SASH1: variants seen among roughly 807,000 people sequenced by gnomAD.
The protein encoded by SASH1 is SAM and SH3 domain-containing protein 1.
SASH1 carries 44 observed loss-of-function variants against 125.2 expected under a neutral mutation model. The ratio of observed to expected loss-of-function variants is 0.35; its 90% CI spans 0.28 to 0.45. The LOEUF (loss-of-function observed/expected upper bound fraction) is 0.45. SASH1 is among the 20% of genes least tolerant of loss of function. The pLI is 1.00. For synonymous variants in SASH1, 639 were observed against 649.1 expected (o/e 0.98, Z 0.24); for missense variants, 1,426 against 1,614.5 (o/e 0.88, Z 2.00).
intron 8 of SASH1, among the ~76,000 whole-genome samples, chr6:148,493,702 C>G (rs571926505): frequency 6.6e-6 from 1 of 152,294 alleles, no homozygotes; most frequent in South Asian, 2.1e-4. Context: ...ATGCACATTC[C>G]TAGTTTCCAA....
chr6:148,525,323 G>A lies in SASH1; in HGVS notation c.1242G>A (p.Thr414=), dbSNP rs373832720. The A allele has an allele frequency of 2.7e-5, 43 of 1,613,926 alleles. No homozygotes were observed. In the African/African-American group the frequency reaches 3.5e-4, roughly 13 times the overall value. The change falls in exon 11 of 20, where the codon ACG becomes ACA. Residue 414 remains threonine (T), a synonymous_variant. Transcript: ENST00000367467. ...RTCSFGGFDL[T]NRSLHVGSNN... Reference sequence around the variant, plus strand: ...GCAGTTTTGGAGGATTTGACTTGACGAATCGCTCTCTGCACGTTGGCAGTA... The same window carrying A: ...GCAGTTTTGGAGGATTTGACTTGACAAATCGCTCTCTGCACGTTGGCAGTA...
In SASH1 at chr6:148,449,783, G is replaced by A. The variant is rs189637066; in HGVS notation, c.386+9376G>A. Among the ~76,000 whole-genome samples, 42 of 152,284 alleles carry A rather than the reference G, an allele frequency of 2.8e-4. No homozygotes were observed. In the South Asian group the frequency reaches 6.4e-3, roughly 23 times the overall value. On this transcript the variant is annotated intron_variant, in intron 4 of 19. Transcript: ENST00000367467. ...ATGGCCCTGGCTTCCGGGGAGGGCC[G>A]TCCTGTGGGGTGATAACATGGTGAA...
At chr6:148,356,069 TG>T (rs1261768362) in intron 1 of SASH1, among the ~76,000 whole-genome samples, 1 of 73,552 alleles carries the variant, frequency 1.4e-5, no homozygotes, top group South Asian at 4.9e-4. Flanking sequence ...TGTATCATTC[TG>T]TTTTTTTTTT....
chr6:148,548,156 T>G, intron 19 of SASH1, 139 bp from the exon 20 acceptor site: 2 of 734,606 alleles, frequency 2.7e-6, no homozygotes. Context: ...AGTCTTGATC[T>G]CTGACACTCA....
chr6:148,229,160 C>T, the SASH1 span, among the ~76,000 whole-genome samples: 1 of 120,610 alleles, frequency 8.3e-6, no homozygotes. Flanking sequence ...AAAAAAAACA[C>T]TTAACTGGCT....
At chr6:148,340,350 G>A (rs929711678), upstream of SASH1, among the ~76,000 whole-genome samples, 3 of 152,014 alleles carry the variant, frequency 2.0e-5, no homozygotes, top group Admixed American at 6.6e-5. Flanking sequence ...AGGCGTGGTG[G>A]TGCATGCCTG....
intron 2 of SASH1, among the ~76,000 whole-genome samples, chr6:148,390,524 C>T (rs561343128): frequency 5.0e-4 from 76 of 152,308 alleles, no homozygotes; most frequent in African/African-American, 1.7e-3. Context: ...CTGTGGCTCA[C>T]GCCTGTAATC....
intron 2 of SASH1, among the ~76,000 whole-genome samples, chr6:148,392,524 T>C (rs1243935478): frequency 6.6e-6 from 1 of 152,226 alleles, no homozygotes; most frequent in Non-Finnish European, 1.5e-5. Context: ...TGGGTACCAC[T>C]GCCCTATATT....
chr6:148,531,621 A>G lies in SASH1; in HGVS notation c.1524A>G (p.Val508=). The change falls in exon 13 of 20, where the codon GTA becomes GTG. Residue 508 remains valine, a synonymous_variant. Transcript: ENST00000367467. ...DKPKLKAGGS[V]ESLRSSLSGQ... ...CCAAGCTCAAGGCCGGGGGTTCTGT[A>G]GAAAGTCTTCGCAGTTCTCTCAGTG... is the stretch of plus-strand genomic sequence containing the variant. 6.3e-7 allele frequency: 1 copy of G among 1,576,802 alleles called. No homozygotes were observed. The highest frequency in any genetic ancestry group is 1.4e-5 in the African/African-American group (1 of 73,006).
At chr6:148,449,391 T>A (rs1776983272) in intron 4 of SASH1, among the ~76,000 whole-genome samples, 1 of 76,136 alleles carries the variant, frequency 1.3e-5, no homozygotes, top group Admixed American at 1.1e-4. Flanking sequence ...ATTTCTTTCT[T>A]TTTTTTTTTT....
intron 2 of SASH1, among the ~76,000 whole-genome samples, chr6:148,431,165 C>G (rs1776043443): frequency 6.6e-6 from 1 of 151,862 alleles, no homozygotes; most frequent in Admixed American, 6.6e-5. Flanking sequence ...CTTTGGGCAG[C>G]TGATTTAGTG....
intron 1 of SASH1, among the ~76,000 whole-genome samples, chr6:148,291,598 C>T (rs146788484): frequency 0.019 from 2,896 of 152,164 alleles, 33 homozygotes; most frequent in Non-Finnish European, 0.03. Flanking sequence ...GTGGGTGGAT[C>T]GCTTGAGCCT....
the SASH1 span, among the ~76,000 whole-genome samples, chr6:148,250,370 A>ATTTTCTG: frequency 9.2e-5 from 14 of 152,296 alleles, no homozygotes; most frequent in East Asian, 2.3e-3. Flanking sequence ...TCTGGCTAAC[A>ATTTTCTG]GAGAGAAAAA....
At chr6:148,349,990 C>T (rs1216703371) in intron 1 of SASH1, among the ~76,000 whole-genome samples, 2 of 151,984 alleles carry the variant, frequency 1.3e-5, no homozygotes, top group Non-Finnish European at 2.9e-5. Context: ...GGACTACAGG[C>T]GCCTGCCACC....
At chr6:148,449,812 G>C (rs781233801) in intron 4 of SASH1, among the ~76,000 whole-genome samples, 2 of 152,166 alleles carry the variant, frequency 1.3e-5, no homozygotes, top group Non-Finnish European at 2.9e-5. Context: ...TGGTGAAAAA[G>C]GCCAAAGAGG....
intron 1 of SASH1, among the ~76,000 whole-genome samples, chr6:148,321,534 T>C (rs1780633852): frequency 6.6e-6 from 1 of 152,164 alleles, no homozygotes; most frequent in African/African-American, 2.4e-5. Context: ...CCTTCAGGAA[T>C]ATAATGGTGA....
intron 2 of SASH1, among the ~76,000 whole-genome samples, chr6:148,391,023 A>T (rs1480285488): frequency 6.6e-6 from 1 of 151,644 alleles, no homozygotes; most frequent in Non-Finnish European, 1.5e-5. Flanking sequence ...TCACCTAGCA[A>T]TAATCACGTT....
At chr6:148,515,965 A>G (rs1231633324) in intron 9 of SASH1, among the ~76,000 whole-genome samples, 1 of 152,200 alleles carries the variant, frequency 6.6e-6, no homozygotes, top group East Asian at 1.9e-4. Flanking sequence ...TTCACACATG[A>G]TAGTGGTGTG....
chr6:148,315,727 G>A (rs374574281), intron 1 of SASH1, among the ~76,000 whole-genome samples: 15 of 152,092 alleles, frequency 9.9e-5, no homozygotes, highest in African/African-American at 3.6e-4. Flanking sequence ...AACATAGTGA[G>A]ACCCCATCTC....
Sources: gnomAD v4.1 joint callset for allele counts (sites outside exome capture counted in the v4.1 genomes callset) on GRCh38, gnomAD v4.1.1 for gene constraint, MANE v1.5 for transcripts, NCBI Gene and HGNC (gene_info 2026-07-23, HGNC 2026-07-21) for gene names.